GRAMD1C: variants seen among roughly 807,000 people sequenced by gnomAD.
GRAMD1C encodes the protein GRAM domain containing 1C, also known as protein Aster-C.
GRAMD1C carries 89 observed loss-of-function variants against 97.8 expected under a neutral mutation model. The ratio of observed to expected loss-of-function variants is 0.91; its 90% CI spans 0.77 to 1.09. The LOEUF is 1.09. Among genes scored for constraint, GRAMD1C ranks in the 50% least tolerant of loss-of-function variants. The probability of loss-of-function intolerance (pLI) is 0.00; values close to 1 mark genes in which losing one functional copy is unlikely to be tolerated. For synonymous variants in GRAMD1C, 256 were observed against 267.0 expected (o/e 0.96, Z 0.40); for missense variants, 740 against 766.4 (o/e 0.97, Z 0.41).
intron 2 of GRAMD1C, among the ~76,000 whole-genome samples, chr3:113,846,114 T>G (rs1030756576): frequency 5.3e-5 from 8 of 151,762 alleles, no homozygotes; most frequent in Non-Finnish European, 8.8e-5. Context: ...GCACTAATTT[T>G]TTTTTTTTTG....
chr3:113,829,131 A>G (rs1002674452), intron 1 of GRAMD1C, among the ~76,000 whole-genome samples: 2 of 152,126 alleles, frequency 1.3e-5, no homozygotes, highest in Non-Finnish European at 2.9e-5. Flanking sequence ...CCTGGTAAAA[A>G]TCAACCTTAG....
upstream of GRAMD1C, among the ~76,000 whole-genome samples, chr3:113,838,227 T>C (rs1709670348): frequency 6.6e-6 from 1 of 152,188 alleles, no homozygotes; most frequent in South Asian, 2.1e-4. Flanking sequence ...ACCAAGAATC[T>C]GCAATACGTA....
chr3:113,909,137 A>G lies in GRAMD1C; in HGVS notation c.952+17A>G, dbSNP rs773391900. On this transcript the variant is annotated intron_variant, in intron 9 of 17. Transcript: ENST00000358160. ...TTGATGAAGGTAAATAATTTCTTAT[A>G]AATTTTATTAAATTTCAGTTATGTC... 6 of 1,256,666 alleles carry G rather than the reference A, an allele frequency of 4.8e-6. No individual in the cohort carries two copies. The highest frequency in any genetic ancestry group is 1.6e-5 in the African/African-American group (1 of 63,706). 77.8% of individuals were successfully genotyped at this position (1,256,666 alleles called of 1,614,324 possible). A position where few individuals can be genotyped will look rare whatever the true frequency, so the allele number is the denominator to read the frequency against.
At chr3:113,853,091 C>T (rs1026995394) in intron 2 of GRAMD1C, among the ~76,000 whole-genome samples, 10 of 151,872 alleles carry the variant, frequency 6.6e-5, no homozygotes, top group African/African-American at 2.2e-4. Context: ...ATTGTAAGGA[C>T]AATAGAAGGA....
chr3:113,879,221 AAAAC>A (rs1935173569), intron 5 of GRAMD1C, among the ~76,000 whole-genome samples: 2 of 151,756 alleles, frequency 1.3e-5, no homozygotes, highest in African/African-American at 4.8e-5. Flanking sequence ...AAAAAACCAA[AAAAC>A]AAACAAACCG....
intron 17 of GRAMD1C, 115 bp from the exon 18 acceptor site, chr3:113,945,283 T>C (rs755894461): frequency 1.5e-6 from 1 of 666,306 alleles, no homozygotes; most frequent in Non-Finnish European, 2.7e-6. Context: ...TATTTGGGCA[T>C]CAGTATAAAC....
At chr3:113,901,740 C>G (rs149651428) in intron 7 of GRAMD1C, among the ~76,000 whole-genome samples, 198 of 152,224 alleles carry the variant, frequency 1.3e-3, no homozygotes, top group African/African-American at 4.7e-3. Context: ...TTTTTATTAA[C>G]CTCTACAAGT....
chr3:113,920,686 G>A (rs971381115), intron 10 of GRAMD1C, among the ~76,000 whole-genome samples: 1 of 151,966 alleles, frequency 6.6e-6, no homozygotes, highest in Non-Finnish European at 1.5e-5. Flanking sequence ...GATTACAGGT[G>A]CCCGCCACCA....
intron 1 of GRAMD1C, among the ~76,000 whole-genome samples, chr3:113,828,837 C>T (rs1709521683): frequency 6.6e-6 from 1 of 152,182 alleles, no homozygotes; most frequent in Non-Finnish European, 1.5e-5. Flanking sequence ...CAGCCACCCA[C>T]TCTCATGCTC....
At chr3:113,943,563 CT>C (rs1405777887) in intron 17 of GRAMD1C, among the ~76,000 whole-genome samples, 3 of 152,196 alleles carry the variant, frequency 2.0e-5, no homozygotes, top group Non-Finnish European at 2.9e-5. Context: ...AATACGTGGT[CT>C]TTTGAGATTG....
chr3:113,887,085 G>GTTTT (rs531763397), intron 6 of GRAMD1C, among the ~76,000 whole-genome samples: 737 of 71,392 alleles, frequency 0.01, 117 homozygotes, highest in African/African-American at 0.016. Context: ...TGGCCTTTTT[G>GTTTT]TTTTTTTTTT....
intron 6 of GRAMD1C, among the ~76,000 whole-genome samples, chr3:113,886,302 C>T (rs1431238642): frequency 2.0e-5 from 3 of 152,170 alleles, no homozygotes; most frequent in Non-Finnish European, 4.4e-5. Flanking sequence ...CCTAGGGGAG[C>T]CGAATCAGTG....
chr3:113,833,239 G>T (rs578058072), intron 1 of GRAMD1C, among the ~76,000 whole-genome samples: 1 of 150,998 alleles, frequency 6.6e-6, no homozygotes, highest in Non-Finnish European at 1.5e-5. Flanking sequence ...CTGGGTTCAA[G>T]CAATTCTCCT....
intron 17 of GRAMD1C, among the ~76,000 whole-genome samples, chr3:113,941,358 T>C (rs1301625892): frequency 6.6e-6 from 1 of 152,198 alleles, no homozygotes; most frequent in Non-Finnish European, 1.5e-5. Flanking sequence ...TTGAGTCATA[T>C]AGTTGATTAT....
At chr3:113,856,756 C>A (rs978439709) in intron 2 of GRAMD1C, among the ~76,000 whole-genome samples, 3 of 151,928 alleles carry the variant, frequency 2.0e-5, no homozygotes, top group African/African-American at 7.3e-5. Flanking sequence ...CCAGGCTGAT[C>A]GCAGACTCCT....
intron 9 of GRAMD1C, among the ~76,000 whole-genome samples, chr3:113,915,354 T>C (rs1936772067): frequency 6.6e-6 from 1 of 152,224 alleles, no homozygotes; most frequent in Non-Finnish European, 1.5e-5. Flanking sequence ...GTGTCTATAT[T>C]GTCCTTGTCC....
At chr3:113,853,035 A>C (rs1383846701) in intron 2 of GRAMD1C, among the ~76,000 whole-genome samples, 1 of 152,242 alleles carries the variant, frequency 6.6e-6, no homozygotes, top group Non-Finnish European at 1.5e-5. Flanking sequence ...AAAACTTCAG[A>C]TAATAAAACT....
chr3:113,913,227 C>A, intron 9 of GRAMD1C: 1 of 537,030 alleles, frequency 1.9e-6, no homozygotes, highest in Non-Finnish European at 3.2e-6. Context: ...AAGAATGGTC[C>A]TTCCAAAGTA....
At chr3:113,849,962 G>A (rs1473043332) in intron 2 of GRAMD1C, among the ~76,000 whole-genome samples, 31 of 126,354 alleles carry the variant, frequency 2.5e-4, no homozygotes, top group African/African-American at 9.8e-4. Flanking sequence ...GCGGCTGACC[G>A]GGCGGGGGGC....
Sources: gnomAD v4.1 joint callset for allele counts (sites outside exome capture counted in the v4.1 genomes callset) on GRCh38, gnomAD v4.1.1 for gene constraint, MANE v1.5 for transcripts, NCBI Gene and HGNC (gene_info 2026-07-23, HGNC 2026-07-21) for gene names.